The following TMEM17 variants were observed in gnomAD, a reference collection of about 807,000 sequenced individuals.
TMEM17 encodes transmembrane protein 17.
A neutral mutation model predicts 19.1 loss-of-function variants in TMEM17; 15 were observed. The ratio of observed to expected loss-of-function variants is 0.78; its 90% CI spans 0.52 to 1.21. The LOEUF (loss-of-function observed/expected upper bound fraction) is 1.21, where lower values mean the gene tolerates loss of function less well. TMEM17 is among the 50% of genes most tolerant of loss of function. The pLI is 0.00. For synonymous variants in TMEM17, 103 were observed against 86.9 expected (o/e 1.19, Z -1.03); for missense variants, 245 against 242.3 (o/e 1.01, Z -0.07).
the TMEM17 span, among the ~76,000 whole-genome samples, chr2:62,478,446 A>G: frequency 6.6e-6 from 1 of 152,324 alleles, no homozygotes; most frequent in South Asian, 2.1e-4. Flanking sequence ...ACCCAGCCCA[A>G]GCTCTGCATG....
At chr2:62,498,331 G>T (rs1219311217), downstream of TMEM17, among the ~76,000 whole-genome samples, 1 of 151,752 alleles carries the variant, frequency 6.6e-6, no homozygotes, top group Non-Finnish European at 1.5e-5. Context: ...AGGCTGCAGT[G>T]AGCCGAGATC....
the TMEM17 span, chr2:62,463,773 A>G: frequency 6.6e-6 from 1 of 152,136 alleles, no homozygotes. Flanking sequence ...TCCCACTCAA[A>G]TGTTGCGTTT....
chr2:62,472,603 G>T, the TMEM17 span, among the ~76,000 whole-genome samples: 1 of 152,144 alleles, frequency 6.6e-6, no homozygotes, highest in African/African-American at 2.4e-5. Context: ...ATCCAAAACA[G>T]ATGTATTTCC....
chr2:62,471,997 G>T, the TMEM17 span, among the ~76,000 whole-genome samples: 1 of 152,228 alleles, frequency 6.6e-6, no homozygotes, highest in East Asian at 1.9e-4. Flanking sequence ...TGGCTGGAGT[G>T]GGGAGCAGCC....
At chr2:62,487,368 A>G in the TMEM17 span, among the ~76,000 whole-genome samples, 2 of 152,172 alleles carry the variant, frequency 1.3e-5, no homozygotes, top group Admixed American at 6.5e-5. Context: ...TTGTGATTGC[A>G]TCGGATAATC....
Position 62,501,298 on chromosome 2 carries a change from C to A in TMEM17, c.508G>T (p.Ala170Ser), listed in dbSNP as rs1679921417. The change falls in exon 4 of 4, where the codon GCA becomes TCA. Residue 170 changes from alanine to serine, a missense_variant. Coordinates refer to ENST00000335390, the MANE Select transcript of TMEM17 (RefSeq NM_198276.3). ...LTLRKMVNQLAVRFHLQDFDR... is the reference protein window; with the variant it reads ...LTLRKMVNQLSVRFHLQDFDR... ...AAGTCTTGGAGGTGGAAACGAACTG[C>A]CAACTGATTAACCATTTTCCTTAAG... The A allele has an allele frequency of 6.2e-7, 1 of 1,614,048 alleles. No homozygotes were observed. Among genetic ancestry groups the A allele is most frequent in the Admixed American group, 1.7e-5 (1 of 60,000 alleles).
chr2:62,466,062 C>A, the TMEM17 span, among the ~76,000 whole-genome samples: 1 of 152,000 alleles, frequency 6.6e-6, no homozygotes, highest in Non-Finnish European at 1.5e-5. Flanking sequence ...TCAGAAAGGC[C>A]CAAATCAGGA....
chr2:62,464,138 A>T, the TMEM17 span: 1 of 152,404 alleles, frequency 6.6e-6, no homozygotes, highest in East Asian at 1.9e-4. Flanking sequence ...AGGTGTGGAT[A>T]TGAAAGGCTG....
the TMEM17 span, among the ~76,000 whole-genome samples, chr2:62,462,123 G>A: frequency 2.6e-5 from 4 of 152,102 alleles, no homozygotes; most frequent in Admixed American, 6.5e-5. Context: ...GTACCCCTCC[G>A]GTAGGCCTAG....
chr2:62,464,332 A>G, the TMEM17 span, among the ~76,000 whole-genome samples: 24 of 152,192 alleles, frequency 1.6e-4, no homozygotes, highest in Non-Finnish European at 2.5e-4. Flanking sequence ...GGGCCCTCCT[A>G]CTGGCACCAA....
At chr2:62,472,989 T>A in the TMEM17 span, among the ~76,000 whole-genome samples, 1 of 152,166 alleles carries the variant, frequency 6.6e-6, no homozygotes, top group African/African-American at 2.4e-5. Context: ...GCTGAGAGAT[T>A]CTTCAGGAGG....
the TMEM17 span, among the ~76,000 whole-genome samples, chr2:62,457,076 C>G: frequency 2.0e-5 from 3 of 152,348 alleles, no homozygotes; most frequent in African/African-American, 7.2e-5. This position sits in a 1 kb window ranked among gnomAD's most constrained non-coding sequence, Gnocchi z 4.2. Context: ...TCTCTGCTCT[C>G]CCGAGGCGAT....
At chr2:62,502,604 T>A in intron 2 of TMEM17, 54 bp from the exon 3 acceptor site, 1 of 1,385,792 alleles carries the variant, frequency 7.2e-7, no homozygotes, top group Non-Finnish European at 9.6e-7. Flanking sequence ...TAACATTGAT[T>A]TAAGATAGAA....
the TMEM17 span, among the ~76,000 whole-genome samples, chr2:62,458,040 C>T: frequency 6.6e-6 from 1 of 152,200 alleles, no homozygotes; most frequent in East Asian, 1.9e-4. Context: ...ACACTTCGCT[C>T]CTTTCTACCT....
the TMEM17 span, among the ~76,000 whole-genome samples, chr2:62,462,276 AAAGT>A: frequency 6.6e-6 from 1 of 152,146 alleles, no homozygotes; most frequent in African/African-American, 2.4e-5. Context: ...CCTGCATCAA[AAAGT>A]AAGTAAAGAT....
chr2:62,505,736 G>A (rs950915654), intron 1 of TMEM17, among the ~76,000 whole-genome samples: 1 of 152,148 alleles, frequency 6.6e-6, no homozygotes, highest in African/African-American at 2.4e-5. Context: ...GGGTTTCTCC[G>A]GGACAATGAT....
At chr2:62,496,241 A>C (rs1334036037), downstream of TMEM17, among the ~76,000 whole-genome samples, 2 of 152,188 alleles carry the variant, frequency 1.3e-5, no homozygotes, top group Non-Finnish European at 2.9e-5. Flanking sequence ...TGGATGTTTT[A>C]ATTTGGCAAT....
chr2:62,492,011 T>C, the TMEM17 span, among the ~76,000 whole-genome samples: 1 of 152,128 alleles, frequency 6.6e-6, no homozygotes, highest in East Asian at 1.9e-4. Flanking sequence ...TATTATTAGA[T>C]TTTTAAAAAA....
rs759785105 is a variant in TMEM17 at position 62,506,180 on chromosome 2, C to T, written c.-51G>A. 2.0e-6 allele frequency: 3 copies of T among 1,485,950 alleles called. No homozygotes were observed. The highest frequency in any genetic ancestry group is 2.7e-6 in the Non-Finnish European group (3 of 1,106,938). 92.0% of individuals were successfully genotyped at this position (1,485,950 alleles called of 1,614,324 possible). A position where few individuals can be genotyped will look rare whatever the true frequency, so the allele number is the denominator to read the frequency against. On this transcript the variant is annotated 5_prime_UTR_variant, in exon 1 of 4. Transcript: ENST00000335390. ...CCTCAGACACGGGCTAGTCTGCGGG[C>T]GCTCCGAGGCTCCGTGGTTCCCACG...
Sources: gnomAD v4.1 joint callset for allele counts (sites outside exome capture counted in the v4.1 genomes callset) on GRCh38, gnomAD v4.1.1 for gene constraint, Gnocchi (gnomAD v3.1) non-coding constraint, MANE v1.5 for transcripts, NCBI Gene and HGNC (gene_info 2026-07-23, HGNC 2026-07-21) for gene names.